MBP: variants seen among roughly 807,000 people sequenced by gnomAD.
The protein encoded by MBP is Golli-MBP.
Under a neutral mutation model 35.8 loss-of-function variants are expected in MBP, and 16 were observed. The ratio of observed to expected loss-of-function variants is 0.45; its 90% confidence interval spans 0.30 to 0.68. The LOEUF is 0.68. Among genes scored for constraint, MBP ranks in the 30% least tolerant of loss-of-function variants. The pLI, the probability that MBP is intolerant of heterozygous loss-of-function variation, is 0.08. For synonymous variants in MBP, 143 were observed against 159.6 expected, an observed-to-expected ratio of 0.90 and a Z score of 0.78; for missense variants, 380 against 404.7, an observed-to-expected ratio of 0.94 and a Z score of 0.52.
At chr18:77,035,342 A>G (rs1220844493) in intron 3 of MBP, among the ~76,000 whole-genome samples, 2 of 152,126 alleles carry the variant, frequency 1.3e-5, no homozygotes, top group African/African-American at 2.4e-5. Context: ...GTTTTTCTCT[A>G]TGATTGGAAT....
intron 7 of MBP, 116 bp from the exon 8 acceptor site, chr18:76,985,010 G>A (rs964484822): frequency 2.6e-6 from 4 of 1,538,826 alleles, no homozygotes; most frequent in Non-Finnish European, 2.6e-6. Context: ...GACTGGACTG[G>A]TGAGTGGTTC....
At chr18:77,048,512 A>T (rs1378437611) in intron 3 of MBP, among the ~76,000 whole-genome samples, 2 of 151,608 alleles carry the variant, frequency 1.3e-5, no homozygotes, top group African/African-American at 4.9e-5. Context: ...TCTGTCGCCC[A>T]GGCTGGAGTG....
Position 77,131,981 on chromosome 18 carries a change from T to C in MBP, c.-26+599A>G, listed in dbSNP as rs928444863. Among the ~76,000 whole-genome samples, 5 of 152,072 alleles carry C rather than the reference T, an allele frequency of 3.3e-5. No homozygotes were observed. Among genetic ancestry groups the C allele is most frequent in the Non-Finnish European group, 5.9e-5 (4 of 67,982 alleles). On this transcript the variant is annotated intron_variant, in intron 1 of 8. Transcript: ENST00000355994. The surrounding 1 kb of genome is among the most constrained non-coding windows in gnomAD (Gnocchi z 5.5). The stretch of plus-strand genomic sequence containing the variant: ...CCGCCCCTGGAGCTCAGAGGGAGAC[T>C]GCGCTTCGCCCCGGGGGCAGGGGCA...
rs1405639212 is a variant in MBP at position 77,044,338 on chromosome 18, C to T, written c.139+21960G>A. On this transcript the variant is annotated intron_variant, in intron 3 of 8. Coordinates refer to ENST00000355994, the MANE Select transcript of MBP (RefSeq NM_001025101.2). The surrounding 1 kb of genome is among the most constrained non-coding windows in gnomAD (Gnocchi z 4.4). ...TTCAACTGTCCTCCAAGCTTCAGGT[C>T]CACCGTGACCTCCCCCAACTCTGCT... 6.6e-6 allele frequency among the ~76,000 whole-genome samples: 1 copy of T among 152,154 alleles called. No individual in the cohort carries two copies. The highest frequency in any genetic ancestry group is 1.5e-5 in the Non-Finnish European group (1 of 68,026).
At chr18:77,011,652 G>C (rs1185974450) in intron 4 of MBP, among the ~76,000 whole-genome samples, 3 of 152,220 alleles carry the variant, frequency 2.0e-5, no homozygotes, top group African/African-American at 7.2e-5. Flanking sequence ...AAGACGAAAG[G>C]CAAGAATAGC....
chr18:77,120,620 A>G lies in MBP; in HGVS notation c.-26+11960T>C, dbSNP rs148512584. ...TTTACAAAACGCATTGTTAGTCACG[A>G]GGTCTATCGCACCAGCAGCAGAAAA... On this transcript the variant is annotated intron_variant, in intron 1 of 8. Coordinates refer to ENST00000355994, the MANE Select transcript of MBP (RefSeq NM_001025101.2). Among the ~76,000 whole-genome samples the G allele has an allele frequency of 1.6e-3, 239 of 152,340 alleles. 1 individual carries two copies. Among genetic ancestry groups the G allele is most frequent in the Non-Finnish European group, 2.8e-3 (192 of 68,028 alleles).
intron 7 of MBP, chr18:76,987,029 T>C: frequency 1.0e-6 from 1 of 985,338 alleles, no homozygotes; most frequent in South Asian, 4.7e-5. Context: ...GATTTTGCTT[T>C]GGAAAAAAGA....
rs558308943 is a variant in MBP at position 77,085,666 on chromosome 18, G to T, written c.52-19281C>A. On this transcript the variant is annotated intron_variant, in intron 2 of 8. Coordinates refer to ENST00000355994, the MANE Select transcript of MBP (RefSeq NM_001025101.2). ...TTAAGTAAAAACCAGGTTTTAATGT[G>T]AGCATCAGTGCAATAAGTTTTTTTT... 6.7e-5 allele frequency among the ~76,000 whole-genome samples: 10 copies of T among 150,072 alleles called. No homozygotes were observed. In the East Asian group the frequency reaches 2.0e-3, roughly 30 times the overall value.
At chr18:77,064,697 C>A (rs538222) in intron 3 of MBP, among the ~76,000 whole-genome samples, 3 of 152,252 alleles carry the variant, frequency 2.0e-5, no homozygotes, top group Non-Finnish European at 4.4e-5. Flanking sequence ...TGTCTAACAG[C>A]TGAAATATAA....
intron 4 of MBP, chr18:77,015,250 GCA>G: frequency 1.0e-5 from 10 of 981,238 alleles, no homozygotes; most frequent in Non-Finnish European, 1.2e-5. Flanking sequence ...CATCTTTTCT[GCA>G]CAGTTTAAGT....
At chr18:77,083,507 C>T (rs1211680158) in intron 2 of MBP, among the ~76,000 whole-genome samples, 2 of 152,136 alleles carry the variant, frequency 1.3e-5, no homozygotes, top group Non-Finnish European at 1.5e-5. Flanking sequence ...GAAATAAAAA[C>T]GTGTCCACAT....
intron 3 of MBP, among the ~76,000 whole-genome samples, chr18:77,029,293 C>T (rs1381393738): frequency 8.0e-5 from 12 of 149,750 alleles, no homozygotes; most frequent in East Asian, 4.0e-4. Flanking sequence ...CGCCTGCAAT[C>T]GCAGGCACTC....
intron 4 of MBP, among the ~76,000 whole-genome samples, chr18:76,996,656 A>G (rs1970285994): frequency 6.6e-6 from 1 of 152,094 alleles, no homozygotes; most frequent in African/African-American, 2.4e-5. Context: ...TTTATATGAC[A>G]TGCCGGAAAA....
rs1455186174 is a variant in MBP at position 77,090,762 on chromosome 18, C to T, written c.51+14449G>A. Reference sequence around the variant, plus strand: ...CAGGCTCAGCGGCGGACTCTCCTCTCTGAACCCATGTCCTCTAGCACTGTG... The same window carrying T: ...CAGGCTCAGCGGCGGACTCTCCTCTTTGAACCCATGTCCTCTAGCACTGTG... On this transcript the variant is annotated intron_variant, in intron 2 of 8. Coordinates refer to ENST00000355994, the MANE Select transcript of MBP (RefSeq NM_001025101.2). 5.3e-5 allele frequency among the ~76,000 whole-genome samples: 8 copies of T among 152,378 alleles called. No individual in the cohort carries two copies. The South Asian group carries it at 1.4e-3, about 28-fold the overall frequency.
intron 2 of MBP, among the ~76,000 whole-genome samples, chr18:77,100,878 G>C (rs1250939827): frequency 1.3e-5 from 2 of 152,042 alleles, no homozygotes; most frequent in African/African-American, 4.8e-5. Flanking sequence ...AACATGTAGT[G>C]AATCATCCCC....
chr18:77,130,554 A>G (rs1977207274), intron 1 of MBP, among the ~76,000 whole-genome samples: 1 of 152,064 alleles, frequency 6.6e-6, no homozygotes, highest in African/African-American at 2.4e-5. Flanking sequence ...GCACAGAGGC[A>G]GCTGCTCATC....
At position 77,131,115 on chromosome 18, in the gene MBP, ACACACC is replaced by A. The variant is rs750696826; in HGVS notation, c.-26+1459_-26+1464del. Among the ~76,000 whole-genome samples, 2,868 of 60,200 alleles carry A rather than the reference ACACACC, an allele frequency of 0.048. 106 individuals carry two copies. The highest frequency in any genetic ancestry group is 0.091 in the African/African-American group (2,646 of 29,158). The allele number at this position is 60,200 out of a possible 152,430, so 39.5% of individuals were successfully genotyped here. On this transcript the variant is annotated intron_variant, in intron 1 of 8. Transcript: ENST00000355994. This position sits in a 1 kb window ranked among gnomAD's most constrained non-coding sequence, Gnocchi z 5.5. Reference sequence around the variant, plus strand: ...CACACACACACACACACACACACACACACACCCCCTCTGCCGCGGTACCCTTCCCCT... The same window carrying A: ...CACACACACACACACACACACACACACCCTCTGCCGCGGTACCCTTCCCCT...
chr18:77,081,786 A>ATGTATATATATATG (rs1177268772), intron 2 of MBP, among the ~76,000 whole-genome samples: 3 of 148,520 alleles, frequency 2.0e-5, no homozygotes, highest in Non-Finnish European at 4.5e-5. Flanking sequence ...ACACACACAC[A>ATGTATATATATATG]CACACACGTA....
chr18:77,075,047 A>G (rs1974597299), intron 2 of MBP, among the ~76,000 whole-genome samples: 1 of 152,216 alleles, frequency 6.6e-6, no homozygotes, highest in Non-Finnish European at 1.5e-5. Flanking sequence ...CTCTAAATAA[A>G]TAAAAGCCTA....
Sources: gnomAD v4.1 joint callset for allele counts (sites outside exome capture counted in the v4.1 genomes callset) on GRCh38, gnomAD v4.1.1 for gene constraint, Gnocchi (gnomAD v3.1) non-coding constraint, MANE v1.5 for transcripts, NCBI Gene and HGNC (gene_info 2026-07-23, HGNC 2026-07-21) for gene names.